Variants in MYEF2 observed in about 807,000 individuals in gnomAD.
MYEF2 encodes myelin expression factor 2.
In MYEF2, 37 loss-of-function variants were observed where a neutral mutation model predicts 75.2. The ratio of observed to expected loss-of-function variants is 0.49; its 90% CI spans 0.38 to 0.65. The LOEUF is 0.65. MYEF2 is among the 30% of genes least tolerant of loss of function. MYEF2 has a pLI of 0.00. For missense variants in MYEF2, 634 were observed against 771.4 expected (o/e 0.82, Z 2.11); for synonymous variants, 195 against 241.6 (o/e 0.81, Z 1.79).
intron 1 of MYEF2, among the ~76,000 whole-genome samples, 169 bp from the exon 2 acceptor site, chr15:48,169,008 T>C (rs1031442783): frequency 7.9e-5 from 12 of 152,322 alleles, no homozygotes; most frequent in African/African-American, 2.9e-4. Context: ...AATTACCCAA[T>C]GCTATTTCAA....
chr15:48,148,429 T>C (rs568261771), intron 16 of MYEF2, among the ~76,000 whole-genome samples: 2 of 152,120 alleles, frequency 1.3e-5, no homozygotes, highest in African/African-American at 4.8e-5. Flanking sequence ...GTTGTATAAG[T>C]AGTATCATTA....
intron 16 of MYEF2, among the ~76,000 whole-genome samples, chr15:48,145,733 CGG>C (rs2039257555): frequency 6.6e-6 from 1 of 151,660 alleles, no homozygotes; most frequent in Non-Finnish European, 1.5e-5. Context: ...AACACAACCA[CGG>C]ATGAAAACAG....
At chr15:48,151,441 A>G in intron 13 of MYEF2, 32 bp downstream of exon 13, 1 of 1,580,900 alleles carries the variant, frequency 6.3e-7, no homozygotes, top group South Asian at 1.1e-5. Flanking sequence ...TAGCCTACAA[A>G]AAGAAAAGGA....
chr15:48,151,040 G>T, intron 14 of MYEF2, 60 bp downstream of exon 14: 1 of 1,195,156 alleles, frequency 8.4e-7, no homozygotes, highest in Non-Finnish European at 1.2e-6. Flanking sequence ...AACTACTCTT[G>T]CAAAGTCTTT....
intron 1 of MYEF2, 58 bp downstream of exon 1, chr15:48,178,019 C>A: frequency 1.3e-6 from 2 of 1,540,044 alleles, no homozygotes; most frequent in South Asian, 1.2e-5. Flanking sequence ...GGCCTCTAGC[C>A]GCCCGGTAGA....
At chr15:48,143,129 A>G in intron 16 of MYEF2, 58 bp from the exon 17 acceptor site, 1 of 1,257,964 alleles carries the variant, frequency 7.9e-7, no homozygotes, top group South Asian at 2.3e-5. Context: ...ATTTCACTTT[A>G]TAGGTTTGAA....
At position 48,178,211 on chromosome 15, in the gene MYEF2, C is replaced by A. The variant is rs1250295863; in HGVS notation, c.27G>T (p.Val9=). 2.0e-6 allele frequency: 3 copies of A among 1,478,246 alleles called. No homozygotes were observed. Among genetic ancestry groups the A allele is most frequent in the East Asian group, 2.9e-5 (1 of 34,904 alleles). 91.6% of individuals were successfully genotyped at this position (1,478,246 alleles called of 1,614,324 possible). ...GGCTGTCGCCACCAGTGGCCCCGGG[C>A]ACCTCGGCCTTGTTGGCGTCCGCCA... The part of the protein sequence containing the change: MADANKAE[V]PGATGGDSPH... Residue 9 remains valine (V), a synonymous_variant, in exon 1 of 17, where the codon GTG becomes GTT. Coordinates refer to ENST00000324324, the MANE Select transcript of MYEF2 (RefSeq NM_016132.5).
At position 48,142,650 on chromosome 15, in the gene MYEF2, A is replaced by T; in HGVS notation, c.*258T>A. The T allele has an allele frequency of 2.2e-6, 1 of 451,458 alleles. No individual in the cohort carries two copies. The allele number at this position is 451,458 out of a possible 1,614,324, so 28.0% of individuals were successfully genotyped here. ...CAACTATGTAGTACTGAAAACAACA[A>T]GAAAATGGCTTATTTCATTAAAAAC... On this transcript the variant is annotated 3_prime_UTR_variant, in exon 17 of 17. Transcript: ENST00000324324.
At chr15:48,162,616 G>C (rs548912033) in intron 5 of MYEF2, 1 of 152,222 alleles carries the variant, frequency 6.6e-6, no homozygotes, top group African/African-American at 2.4e-5. Flanking sequence ...GCAAATTGAA[G>C]GTCTGTGACA....
At chr15:48,159,382 AGTTCCAT>A (rs1358369082) in intron 6 of MYEF2, among the ~76,000 whole-genome samples, 11 of 152,126 alleles carry the variant, frequency 7.2e-5, no homozygotes, top group Non-Finnish European at 1.6e-4. Flanking sequence ...TAAACTGCAC[AGTTCCAT>A]GTTTAAAAAA....
intron 1 of MYEF2, among the ~76,000 whole-genome samples, chr15:48,172,067 C>T (rs1473698559): frequency 1.3e-5 from 2 of 151,992 alleles, no homozygotes; most frequent in Non-Finnish European, 2.9e-5. Flanking sequence ...GGAAAACTAC[C>T]AGAGGGCAGT....
At chr15:48,151,255 T>C in intron 13 of MYEF2, 84 bp from the exon 14 acceptor site, 1 of 1,234,594 alleles carries the variant, frequency 8.1e-7, no homozygotes, top group Admixed American at 2.1e-5. Flanking sequence ...TGCTCTGATT[T>C]ACAATAAATG....
At position 48,149,345 on chromosome 15, in the gene MYEF2, C is replaced by G. The variant is rs1414064068; in HGVS notation, c.1405G>C (p.Val469Leu). Residue 469 changes from valine to leucine, a missense_variant, in exon 15 of 17, where the codon GTG becomes CTG. Physicochemically the swap from Val to Leu is conservative, Grantham distance 32. Coordinates refer to ENST00000324324, the MANE Select transcript of MYEF2 (RefSeq NM_016132.5). This position sits in a 1 kb window ranked among gnomAD's most constrained non-coding sequence, Gnocchi z 4.0. ...ISGGMGSMNS[V>L]TGGMGMGLDR... is the part of the protein sequence containing the mutation. ...AGTCCCATCCCCATTCCTCCAGTCA[C>G]ACTGTTCATGCTACCCATTCCACCA... The G allele has an allele frequency of 6.2e-7, 1 of 1,612,988 alleles. No individual in the cohort carries two copies. Among genetic ancestry groups the G allele is most frequent in the Non-Finnish European group, 8.5e-7 (1 of 1,179,254 alleles).
chr15:48,148,739 A>T (rs1269083843), intron 16 of MYEF2, among the ~76,000 whole-genome samples: 1 of 152,084 alleles, frequency 6.6e-6, no homozygotes, highest in Admixed American at 6.6e-5. Flanking sequence ...TTATCTTTTT[A>T]AAATGAGGTA....
chr15:48,144,621 T>C (rs1050524434), intron 16 of MYEF2, among the ~76,000 whole-genome samples: 5 of 151,870 alleles, frequency 3.3e-5, no homozygotes, highest in Non-Finnish European at 7.4e-5. Flanking sequence ...AGCAAAAACA[T>C]AGCAATCACA....
rs939642231 is a variant in MYEF2, at chr15:48,141,597, A to G, written c.*1311T>C. On this transcript the variant is annotated 3_prime_UTR_variant, in exon 17 of 17. Coordinates refer to ENST00000324324, the MANE Select transcript of MYEF2 (RefSeq NM_016132.5). ...TGTGTCTCAAAAAACAAAAACCAAA[A>G]AAAAAAAAAAAAGTTTACTTCCTCA... 1 of 160,696 alleles carries G rather than the reference A, an allele frequency of 6.2e-6. No individual in the cohort carries two copies. The highest frequency in any genetic ancestry group is 2.4e-5 in the African/African-American group (1 of 41,510). The allele number at this position is 160,696 out of a possible 1,614,324, so 10.0% of individuals were successfully genotyped here.
rs529526779 is a variant in MYEF2, at chr15:48,147,532, C to A, written c.1639+1500G>T. 3.3e-5 allele frequency among the ~76,000 whole-genome samples: 5 copies of A among 151,898 alleles called. No individual in the cohort carries two copies. The South Asian group carries it at 1.0e-3, about 32-fold the overall frequency. ...ATTTCACTAAGACCCTATATACATT[C>A]TTTCCTCTGTAGTCTACAGGATTCA... On this transcript the variant is annotated intron_variant, in intron 16 of 16. Coordinates refer to ENST00000324324, the MANE Select transcript of MYEF2 (RefSeq NM_016132.5).
At chr15:48,175,617 G>C (rs1597366486) in intron 1 of MYEF2, among the ~76,000 whole-genome samples, 1 of 151,952 alleles carries the variant, frequency 6.6e-6, no homozygotes, top group Non-Finnish European at 1.5e-5. Context: ...AAAGCTGGGG[G>C]AAACAGTTCT....
intron 1 of MYEF2, among the ~76,000 whole-genome samples, chr15:48,169,556 A>G (rs959717005): frequency 3.9e-5 from 6 of 152,078 alleles, no homozygotes; most frequent in Non-Finnish European, 8.8e-5. Flanking sequence ...GTAGGACAGA[A>G]GCAGTACATA....
Sources: gnomAD v4.1 joint callset for allele counts (sites outside exome capture counted in the v4.1 genomes callset) on GRCh38, gnomAD v4.1.1 for gene constraint, Gnocchi (gnomAD v3.1) non-coding constraint, MANE v1.5 for transcripts, NCBI Gene and HGNC (gene_info 2026-07-23, HGNC 2026-07-21) for gene names.